The following PPP1R1C variants were observed in gnomAD, a reference collection of about 807,000 sequenced individuals.
PPP1R1C encodes the protein protein phosphatase 1 regulatory inhibitor subunit 1C.
PPP1R1C carries 15 observed loss-of-function variants against 17.4 expected under a neutral mutation model. That is an observed-to-expected ratio of 0.86 (90% CI 0.58 to 1.33). PPP1R1C has a LOEUF of 1.33. PPP1R1C is among the 40% of genes most tolerant of loss of function. The pLI is 0.00. For missense variants in PPP1R1C, 143 were observed against 130.0 expected, an observed-to-expected ratio of 1.10 and a Z score of -0.48; for synonymous variants, 35 against 43.1, an observed-to-expected ratio of 0.81 and a Z score of 0.73.
chr2:181,966,118 G>A (rs979522944), intron 1 of PPP1R1C, among the ~76,000 whole-genome samples: 14 of 152,050 alleles, frequency 9.2e-5, no homozygotes, highest in African/African-American at 2.4e-4. Flanking sequence ...TTCACTGTTG[G>A]CATATAGAAG....
At position 182,024,441 on chromosome 2, in the gene PPP1R1C, T is replaced by C. The variant is rs527411441; in HGVS notation, c.142+36542T>C. 5.9e-5 allele frequency among the ~76,000 whole-genome samples: 9 copies of C among 152,218 alleles called. No homozygotes were observed. In the South Asian group the frequency reaches 1.5e-3, roughly 25 times the overall value. ...GATAACCACTACACTTGAAATATTG[T>C]TAAAATAATATTCTCTATTTTTTCA... On this transcript the variant is annotated intron_variant, in intron 2 of 4. Coordinates refer to ENST00000682840, the MANE Select transcript of PPP1R1C (RefSeq NM_001080545.3).
intron 4 of PPP1R1C, among the ~76,000 whole-genome samples, chr2:182,065,455 G>A (rs1687959379): frequency 6.6e-6 from 1 of 152,104 alleles, no homozygotes; most frequent in South Asian, 2.1e-4. Flanking sequence ...TAAAAAAGAT[G>A]AAAGAACAAA....
intron 2 of PPP1R1C, among the ~76,000 whole-genome samples, chr2:182,023,102 A>G (rs902246001): frequency 1.3e-5 from 2 of 152,250 alleles, no homozygotes; most frequent in Non-Finnish European, 2.9e-5. Flanking sequence ...ACCACAATGT[A>G]GCTTGCTACA....
chr2:181,956,543 C>T (rs1684672584), intron 1 of PPP1R1C, among the ~76,000 whole-genome samples: 1 of 152,220 alleles, frequency 6.6e-6, no homozygotes, highest in African/African-American at 2.4e-5. Context: ...TTCTCCACAT[C>T]CTCTCCAGCA....
intron 1 of PPP1R1C, among the ~76,000 whole-genome samples, chr2:181,964,751 G>C (rs1250951545): frequency 6.6e-6 from 1 of 151,994 alleles, no homozygotes; most frequent in Non-Finnish European, 1.5e-5. Flanking sequence ...TGTTACCCAG[G>C]CTGAAGTGCA....
At chr2:182,018,462 G>C (rs949884183) in intron 2 of PPP1R1C, among the ~76,000 whole-genome samples, 1 of 152,188 alleles carries the variant, frequency 6.6e-6, no homozygotes, top group Admixed American at 6.5e-5. Flanking sequence ...GGAAGAGTTG[G>C]AGTTACATTC....
chr2:182,031,225 C>A (rs1574394788), intron 2 of PPP1R1C, among the ~76,000 whole-genome samples: 1 of 152,238 alleles, frequency 6.6e-6, no homozygotes, highest in Non-Finnish European at 1.5e-5. Flanking sequence ...ATTCGGCCAT[C>A]TTGGCTCCTC....
At chr2:182,081,154 A>G (rs1397950608) in intron 4 of PPP1R1C, among the ~76,000 whole-genome samples, 1 of 152,130 alleles carries the variant, frequency 6.6e-6, no homozygotes, top group African/African-American at 2.4e-5. Context: ...AGTTGTTGGG[A>G]AGAATTTGGT....
At chr2:182,062,134 G>A (rs1294138530) in intron 3 of PPP1R1C, among the ~76,000 whole-genome samples, 2 of 152,098 alleles carry the variant, frequency 1.3e-5, no homozygotes, top group African/African-American at 2.4e-5. Flanking sequence ...AGGATGCTGT[G>A]CAGGGTTACC....
At chr2:182,044,934 T>C (rs943215844) in intron 2 of PPP1R1C, among the ~76,000 whole-genome samples, 1 of 152,206 alleles carries the variant, frequency 6.6e-6, no homozygotes, top group Non-Finnish European at 1.5e-5. Context: ...AGTTTAAGGC[T>C]TATACAAAGA....
At chr2:182,062,268 G>A (rs77268287) in intron 3 of PPP1R1C, among the ~76,000 whole-genome samples, 5,824 of 152,110 alleles carry the variant, frequency 0.038, 373 homozygotes, top group African/African-American at 0.13. Flanking sequence ...AACAGTAAAA[G>A]TGGAAAAGCT....
At chr2:182,059,592 T>C (rs1687789940) in intron 2 of PPP1R1C, among the ~76,000 whole-genome samples, 1 of 152,042 alleles carries the variant, frequency 6.6e-6, no homozygotes, top group African/African-American at 2.4e-5. Flanking sequence ...TTTGTCTGAG[T>C]CAATTTGACC....
Position 182,043,568 on chromosome 2 carries a change from A to AACAGTG in PPP1R1C, c.143-17874_143-17873insACAGTG, listed in dbSNP as rs1488226054. 3.9e-3 allele frequency among the ~76,000 whole-genome samples: 597 copies of AACAGTG among 152,100 alleles called. 3 individuals are homozygous for AACAGTG. The highest frequency in any genetic ancestry group is 6.7e-3 in the Non-Finnish European group (458 of 67,886). On this transcript the variant is annotated intron_variant, in intron 2 of 4. Transcript: ENST00000682840. ...CTACCTAAACAGCACGCCATGTGTA[A>AACAGTG]GCAGTTTACACATGTGCCACTCATG...
intron 2 of PPP1R1C, 46 bp downstream of exon 2, chr2:181,987,945 T>G: frequency 6.7e-7 from 1 of 1,501,216 alleles, no homozygotes; most frequent in South Asian, 1.2e-5. Context: ...AGAATGGAAT[T>G]GTTTAAAGAA....
At chr2:181,996,891 T>C (rs1226631157) in intron 2 of PPP1R1C, among the ~76,000 whole-genome samples, 1 of 152,220 alleles carries the variant, frequency 6.6e-6, no homozygotes, top group African/African-American at 2.4e-5. Flanking sequence ...GCAATATCAT[T>C]TTATGCTTTT....
chr2:182,060,709 G>T (rs560080104), intron 2 of PPP1R1C, among the ~76,000 whole-genome samples: 10 of 152,244 alleles, frequency 6.6e-5, no homozygotes, highest in Non-Finnish European at 1.3e-4. Flanking sequence ...GGATCATGGG[G>T]TTAGTCTTTG....
In PPP1R1C at chr2:181,976,583, A is replaced by G. The variant is rs1003288474; in HGVS notation, n.157+1319A>G. Among the ~76,000 whole-genome samples the G allele has an allele frequency of 6.6e-6, 1 of 152,126 alleles. No homozygotes were observed. Among genetic ancestry groups the G allele is most frequent in the Admixed American group, 6.5e-5 (1 of 15,280 alleles). On this transcript the variant is annotated intron_variant and non_coding_transcript_variant, in intron 2 of 5. Coordinates refer to the PPP1R1C transcript ENST00000464264. This position sits in a 1 kb window ranked among gnomAD's most constrained non-coding sequence, Gnocchi z 4.8. ...TGAGTAATTCTCCTCACCTTAATAT[A>G]AATTTTATCTATATATCTGTATATC...
exon 6 of PPP1R1C, chr2:182,129,958 T>C (rs12474446): frequency 6.6e-6 from 1 of 151,988 alleles, no homozygotes; most frequent in African/African-American, 2.4e-5. Flanking sequence ...AGATGACTTA[T>C]AAGAAATAAA....
intron 2 of PPP1R1C, among the ~76,000 whole-genome samples, chr2:182,060,610 A>G (rs894936554): frequency 1.6e-4 from 24 of 152,104 alleles, no homozygotes; most frequent in African/African-American, 5.6e-4. Flanking sequence ...AATATTTTTC[A>G]CTTATATAGC....
Sources: gnomAD v4.1 joint callset for allele counts (sites outside exome capture counted in the v4.1 genomes callset) on GRCh38, gnomAD v4.1.1 for gene constraint, Gnocchi (gnomAD v3.1) non-coding constraint, MANE v1.5 for transcripts, NCBI Gene and HGNC (gene_info 2026-07-23, HGNC 2026-07-21) for gene names.